The following MATN2 variants were observed in gnomAD, a reference collection of about 807,000 sequenced individuals.
MATN2 encodes the protein matrilin-2.
In MATN2, 69 loss-of-function variants were observed where a neutral mutation model predicts 103.2. The ratio of observed to expected loss-of-function variants is 0.67; its 90% CI spans 0.55 to 0.82. The LOEUF (loss-of-function observed/expected upper bound fraction) is 0.82, where lower values mean the gene tolerates loss of function less well. MATN2 is among the 40% of genes least tolerant of loss of function. The pLI is 0.00. For synonymous variants in MATN2, 429 were observed against 450.2 expected, an observed-to-expected ratio of 0.95 and a Z score of 0.60; for missense variants, 1,023 against 1,211.5, an observed-to-expected ratio of 0.84 and a Z score of 2.31.
At chr8:97,932,144 C>A (rs148466513) in intron 3 of MATN2, among the ~76,000 whole-genome samples, 67 of 152,228 alleles carry the variant, frequency 4.4e-4, no homozygotes, top group African/African-American at 1.5e-3. Context: ...GGGGAAGGGA[C>A]ACGTAAGCCC....
At chr8:98,002,223 A>G (rs1207597562) in intron 7 of MATN2, among the ~76,000 whole-genome samples, 1 of 152,156 alleles carries the variant, frequency 6.6e-6, no homozygotes, top group African/African-American at 2.4e-5. Flanking sequence ...CACAGTTTCC[A>G]TCTGCTGGCA....
intron 13 of MATN2, chr8:98,025,780 A>G (rs1813773791): frequency 6.8e-6 from 3 of 439,612 alleles, no homozygotes; most frequent in Non-Finnish European, 1.4e-5. Context: ...TCCATTTTGG[A>G]TCTGTCCATT....
At chr8:98,010,495 G>A (rs919323357) in intron 10 of MATN2, among the ~76,000 whole-genome samples, 2 of 152,122 alleles carry the variant, frequency 1.3e-5, no homozygotes, top group Non-Finnish European at 1.5e-5. Flanking sequence ...TGCCTTTCAA[G>A]GCCACTGTGT....
intron 5 of MATN2, among the ~76,000 whole-genome samples, chr8:97,962,420 T>G (rs79532225): frequency 0.03 from 4,496 of 152,346 alleles, 216 homozygotes; most frequent in African/African-American, 0.1. Context: ...ACCTTAATTC[T>G]TAGCTAGGGA....
intron 1 of MATN2, among the ~76,000 whole-genome samples, chr8:97,870,262 T>C (rs1161661508): frequency 6.6e-6 from 1 of 152,152 alleles, no homozygotes. Flanking sequence ...CTCAGGGCTG[T>C]CATCCCAGCA....
chr8:97,949,663 A>G (rs940415412), intron 4 of MATN2, among the ~76,000 whole-genome samples: 1 of 152,222 alleles, frequency 6.6e-6, no homozygotes, highest in Admixed American at 6.5e-5. Flanking sequence ...ATTTACTCAA[A>G]AGAAATAAAA....
chr8:98,033,836 G>C lies in MATN2; in HGVS notation c.2815+177G>C, dbSNP rs1814137077. The C allele has an allele frequency of 5.4e-6, 3 of 560,304 alleles. No individual in the cohort carries two copies. In the East Asian group the frequency reaches 8.7e-5, roughly 16 times the overall value. The allele number at this position is 560,304 out of a possible 1,614,324, so 34.7% of individuals were successfully genotyped here. ...GCCTCACAGGTGTTTGAGAGGCAAG[G>C]GCAAGCCAAGCTTATTAGCAGCAGT... On this transcript the variant is annotated intron_variant, in intron 18 of 18. Transcript: ENST00000254898.
At position 97,884,623 on chromosome 8, in the gene MATN2, T is replaced by C. The variant is rs561215475; in HGVS notation, c.-26-3452T>C. Among the ~76,000 whole-genome samples the C allele has an allele frequency of 4.9e-4, 75 of 152,118 alleles. No individual in the cohort carries two copies. In the South Asian group the frequency reaches 0.015, roughly 31 times the overall value. On this transcript the variant is annotated intron_variant, in intron 1 of 18. Transcript: ENST00000254898. ...CCGCCTCTACTAAAATACAAAAAAT[T>C]AGCTGGGCATGGTGTGGCGCACCGG...
rs117174439 is a variant in MATN2, at chr8:97,912,199, C to A, written c.143-18754C>A. ...CAGACCCTAAATGCTTTTCTATTAT[C>A]GGGTCTTGAATAAATACCATTCCAC... On this transcript the variant is annotated intron_variant, in intron 2 of 18. Transcript: ENST00000254898. Among the ~76,000 whole-genome samples the A allele has an allele frequency of 1.2e-3, 189 of 152,310 alleles. 2 individuals are homozygous for A. In the East Asian group the frequency reaches 0.033, roughly 26 times the overall value.
rs561847891 is a variant in MATN2 at position 97,983,993 on chromosome 8, G to A, written c.1081+4985G>A. 2.0e-5 allele frequency among the ~76,000 whole-genome samples: 3 copies of A among 152,282 alleles called. No individual in the cohort carries two copies. The East Asian group carries it at 5.8e-4, about 29-fold the overall frequency. On this transcript the variant is annotated intron_variant, in intron 6 of 18. Coordinates refer to ENST00000254898, the MANE Select transcript of MATN2 (RefSeq NM_002380.5). ...GCAATAGAAGAACTACAAAGTATCGGTTGTCAGGTTTCTTGGCCAGAGCAT... is the reference window on the plus strand; with the variant it reads ...GCAATAGAAGAACTACAAAGTATCGATTGTCAGGTTTCTTGGCCAGAGCAT...
intron 2 of MATN2, among the ~76,000 whole-genome samples, chr8:97,915,162 C>CT (rs1056065010): frequency 1.8e-4 from 27 of 149,546 alleles, no homozygotes; most frequent in African/African-American, 2.7e-4. Flanking sequence ...TGTGAAAAAA[C>CT]TTTTTTTTTT....
intron 13 of MATN2, among the ~76,000 whole-genome samples, chr8:98,026,648 C>T (rs1813818648): frequency 6.6e-6 from 1 of 152,158 alleles, no homozygotes; most frequent in South Asian, 2.1e-4. Flanking sequence ...TGTCACCACA[C>T]ATTTACTGAA....
intron 2 of MATN2, among the ~76,000 whole-genome samples, chr8:97,890,555 T>G (rs1284076389): frequency 6.6e-6 from 1 of 151,714 alleles, no homozygotes; most frequent in African/African-American, 2.4e-5. Flanking sequence ...AAGTGCAATC[T>G]GCTTTTTTTT....
intron 5 of MATN2, among the ~76,000 whole-genome samples, chr8:97,969,910 A>C (rs992454929): frequency 6.6e-6 from 1 of 152,186 alleles, no homozygotes; most frequent in Non-Finnish European, 1.5e-5. Context: ...GGTTCAAACT[A>C]TTTATTTAAA....
chr8:97,887,454 G>A (rs1207630178), intron 1 of MATN2, among the ~76,000 whole-genome samples: 1 of 152,096 alleles, frequency 6.6e-6, no homozygotes, highest in Non-Finnish European at 1.5e-5. Context: ...ATAATATTAG[G>A]TAATGGAGCA....
chr8:97,921,025 T>C (rs996435640), intron 2 of MATN2, among the ~76,000 whole-genome samples: 2 of 152,232 alleles, frequency 1.3e-5, no homozygotes, highest in Admixed American at 1.3e-4. Flanking sequence ...CTTTGGTTTA[T>C]GCAGTTGATT....
rs531632851 is a variant in MATN2 at position 97,948,922 on chromosome 8, G to T, written c.835+7023G>T. ...AGTACTCTGCTACTAAAATGAAAGG[G>T]CAAGCCACAGATTGGAATAAAACAT... On this transcript the variant is annotated intron_variant, in intron 4 of 18. Coordinates refer to ENST00000254898, the MANE Select transcript of MATN2 (RefSeq NM_002380.5). 2.0e-5 allele frequency among the ~76,000 whole-genome samples: 3 copies of T among 152,260 alleles called. No individual in the cohort carries two copies. The South Asian group carries it at 6.2e-4, about 32-fold the overall frequency.
rs111986364 is a variant in MATN2 at position 97,937,732 on chromosome 8, C to T, written c.713-4045C>T. The stretch of plus-strand genomic sequence containing the variant: ...GCCTCCCAAGTAGCTGAGCCCACCA[C>T]CATGCCTAGCTTATCTTTATGTTTT... On this transcript the variant is annotated intron_variant, in intron 3 of 18. Coordinates refer to ENST00000254898, the MANE Select transcript of MATN2 (RefSeq NM_002380.5). Among the ~76,000 whole-genome samples, 491 of 151,870 alleles carry T rather than the reference C, an allele frequency of 3.2e-3. 4 individuals carry two copies. The highest frequency in any genetic ancestry group is 0.011 in the African/African-American group (472 of 41,412).
rs373541180 is a variant in MATN2 at position 98,027,818 on chromosome 8, C to T, written c.2345C>T (p.Ala782Val). The change falls in exon 14 of 19, where the codon GCC (alanine) becomes GTC (valine). Residue 782 changes from alanine (A) to valine (V), a missense_variant. Transcript: ENST00000254898. Reference protein sequence around the residue: ...QDDVSEWASKAKANGITMYAV... With the variant: ...QDDVSEWASKVKANGITMYAV... ...GACGTCTCCGAGTGGGCCAGTAAAG[C>T]CAAGGCCAATGGTAATATGGGGTGG... 3.8e-5 allele frequency: 59 copies of T among 1,569,732 alleles called. No individual in the cohort carries two copies. Among genetic ancestry groups the T allele is most frequent in the Non-Finnish European group, 4.6e-5 (53 of 1,160,372 alleles).
Sources: gnomAD v4.1 joint callset for allele counts (sites outside exome capture counted in the v4.1 genomes callset) on GRCh38, gnomAD v4.1.1 for gene constraint, MANE v1.5 for transcripts, NCBI Gene and HGNC (gene_info 2026-07-23, HGNC 2026-07-21) for gene names.